Variants in SOS2 observed in about 807,000 individuals in gnomAD.
SOS2 encodes the protein SOS Ras/Rho guanine nucleotide exchange factor 2.
A neutral mutation model predicts 148.2 loss-of-function variants in SOS2; 65 were observed. That is an observed-to-expected ratio of 0.44 (90% CI 0.36 to 0.54). SOS2 has a LOEUF of 0.54. SOS2 is among the 20% of genes least tolerant of loss of function. SOS2 has a pLI of 0.00. For missense variants in SOS2, 1,341 were observed against 1,590.2 expected (o/e 0.84, Z 2.67); for synonymous variants, 539 against 537.1 (o/e 1.00, Z -0.05).
At chr14:50,214,899 G>C (rs113887761) in intron 1 of SOS2, among the ~76,000 whole-genome samples, 245 of 149,900 alleles carry the variant, frequency 1.6e-3, no homozygotes, top group Non-Finnish European at 1.9e-3. Flanking sequence ...GCAGTGGCGC[G>C]ATCTCAGCTC....
At chr14:50,140,733 T>C (rs548219083) in intron 16 of SOS2, among the ~76,000 whole-genome samples, 13 of 151,844 alleles carry the variant, frequency 8.6e-5, no homozygotes, top group Admixed American at 1.3e-4. Context: ...GAGCTAGAGA[T>C]TGGAAAGAAA....
chr14:50,160,778 T>C (rs541564715), intron 9 of SOS2, among the ~76,000 whole-genome samples: 1 of 152,184 alleles, frequency 6.6e-6, no homozygotes, highest in Admixed American at 6.5e-5. Context: ...AGCAGGCAGA[T>C]CACCTGAGCC....
intron 18 of SOS2, among the ~76,000 whole-genome samples, chr14:50,136,409 T>C (rs1037302842): frequency 1.3e-5 from 2 of 152,112 alleles, no homozygotes; most frequent in African/African-American, 2.4e-5. Context: ...GGTTCTGAGA[T>C]ATAAATACTA....
chr14:50,195,946 G>C (rs1269533920), intron 4 of SOS2, among the ~76,000 whole-genome samples: 1 of 152,146 alleles, frequency 6.6e-6, no homozygotes, highest in Non-Finnish European at 1.5e-5. Flanking sequence ...AGAATTGCTT[G>C]AACCTGGGAG....
At chr14:50,142,362 A>G (rs1186614411) in intron 16 of SOS2, among the ~76,000 whole-genome samples, 1 of 152,168 alleles carries the variant, frequency 6.6e-6, no homozygotes, top group Non-Finnish European at 1.5e-5. Context: ...AGTTCATACA[A>G]ATCAATAAAA....
intron 4 of SOS2, among the ~76,000 whole-genome samples, chr14:50,190,295 A>T (rs1025115220): frequency 2.6e-5 from 4 of 152,226 alleles, no homozygotes; most frequent in African/African-American, 9.6e-5. Context: ...ACAAAAAGTA[A>T]AAACTTCAAA....
intron 14 of SOS2, 86 bp downstream of exon 14, chr14:50,149,922 T>G (rs1340183980): frequency 1.0e-6 from 1 of 962,506 alleles, no homozygotes; most frequent in African/African-American, 1.6e-5. Context: ...TTTTAAGCAC[T>G]CATGAATAAT....
chr14:50,128,508 T>G (rs1883757243), intron 21 of SOS2, among the ~76,000 whole-genome samples: 1 of 152,142 alleles, frequency 6.6e-6, no homozygotes, highest in Non-Finnish European at 1.5e-5. Flanking sequence ...AAAGGAAGCA[T>G]AGCAGTGAAT....
intron 14 of SOS2, among the ~76,000 whole-genome samples, chr14:50,149,551 G>A (rs978701519): frequency 1.3e-5 from 2 of 152,122 alleles, no homozygotes; most frequent in Admixed American, 6.6e-5. Flanking sequence ...AGTTTTTGAT[G>A]GAATGATAAT....
chr14:50,184,864 CAAAAAAAAAA>C (rs34039045), intron 5 of SOS2, among the ~76,000 whole-genome samples: 2 of 57,126 alleles, frequency 3.5e-5, no homozygotes, highest in Non-Finnish European at 6.6e-5. Context: ...ACCCTGTCTC[CAAAAAAAAAA>C]AAAAAAAAAA....
chr14:50,182,305 T>C (rs867816951), intron 6 of SOS2, 158 bp downstream of exon 6: 3 of 612,098 alleles, frequency 4.9e-6, no homozygotes, highest in Middle Eastern at 4.4e-4. Context: ...CTCAGCCTCC[T>C]GAGTCACTGG....
chr14:50,164,829 T>A (rs1268594668), intron 8 of SOS2, among the ~76,000 whole-genome samples: 1 of 152,176 alleles, frequency 6.6e-6, no homozygotes, highest in African/African-American at 2.4e-5. Context: ...TTTTCCCTCT[T>A]AAATTTTTTC....
rs979918396 is a variant in SOS2, at chr14:50,138,654, A to G, written c.2916T>C (p.Tyr972=). 17 of 1,583,270 alleles carry G rather than the reference A, an allele frequency of 1.1e-5. No individual in the cohort carries two copies. The highest frequency in any genetic ancestry group is 1.5e-5 in the Non-Finnish European group (17 of 1,162,178). The change falls in exon 18 of 23, where the codon TAT becomes TAC. Residue 972 remains tyrosine, a synonymous_variant. Transcript: ENST00000216373. The stretch of plus-strand genomic sequence containing the variant: ...TCCGTAAACAGTAAGGCTGATTCTG[A>G]TACTGCTGAATTTCTCCAGTAATTT... ...VAEITGEIQQ[Y]QNQPYCLRIE...
chr14:50,198,352 TAA>T (rs11296281), intron 4 of SOS2, among the ~76,000 whole-genome samples: 672 of 146,360 alleles, frequency 4.6e-3, no homozygotes, highest in South Asian at 7.6e-3. Context: ...ATTTTCAAAG[TAA>T]AAAAAAAAAA....
rs10150520 is a variant in SOS2 at position 50,224,314 on chromosome 14, T to C, written c.87+6883A>G. On this transcript the variant is annotated intron_variant, in intron 1 of 22. Coordinates refer to ENST00000216373, the MANE Select transcript of SOS2 (RefSeq NM_006939.4). ...TCAGGAAAAAAAAAAAATATATATA[T>C]ACACACACACACACACACACACACA... 8.6e-3 allele frequency among the ~76,000 whole-genome samples: 868 copies of C among 100,938 alleles called. 23 individuals are homozygous for C. Among genetic ancestry groups the C allele is most frequent in the South Asian group, 0.024 (75 of 3,068 alleles). The allele number at this position is 100,938 out of a possible 152,430, so 66.2% of individuals were successfully genotyped here. A position where few individuals can be genotyped will look rare whatever the true frequency, so the allele number is the denominator to read the frequency against.
chr14:50,149,155 C>T lies in SOS2; in HGVS notation c.2384+853G>A, dbSNP rs557087392. Among the ~76,000 whole-genome samples the T allele has an allele frequency of 1.1e-4, 17 of 152,282 alleles. No individual in the cohort carries two copies. The East Asian group carries it at 3.3e-3, about 29-fold the overall frequency. Reference sequence around the variant, plus strand: ...CAAGCGATCTGCCCACCTTGGCCTCCTAAGTGCTGGGATTACAGGCATGAG... The same window carrying T: ...CAAGCGATCTGCCCACCTTGGCCTCTTAAGTGCTGGGATTACAGGCATGAG... On this transcript the variant is annotated intron_variant, in intron 14 of 22. Coordinates refer to ENST00000216373, the MANE Select transcript of SOS2 (RefSeq NM_006939.4).
At chr14:50,196,832 C>G (rs1199947834) in intron 4 of SOS2, among the ~76,000 whole-genome samples, 1 of 151,666 alleles carries the variant, frequency 6.6e-6, no homozygotes, top group East Asian at 1.9e-4. Flanking sequence ...ACAGAAAAAC[C>G]AAGCTAGGGC....
At chr14:50,201,157 A>C in intron 2 of SOS2, 73 bp from the exon 3 acceptor site, 1 of 1,347,840 alleles carries the variant, frequency 7.4e-7, no homozygotes, top group Non-Finnish European at 1.0e-6. Context: ...ACAAAATTCA[A>C]CTTGATCTCT....
At chr14:50,176,003 C>T (rs557609848) in intron 7 of SOS2, among the ~76,000 whole-genome samples, 62 of 152,294 alleles carry the variant, frequency 4.1e-4, no homozygotes, top group African/African-American at 1.4e-3. Flanking sequence ...TTTGTGTTCC[C>T]TCAAAAGTCA....
Sources: allele counts gnomAD v4.1 joint callset (sites outside exome capture counted in the v4.1 genomes callset), GRCh38; gene constraint gnomAD v4.1.1; transcripts MANE v1.5; gene names NCBI Gene and HGNC (gene_info 2026-07-23, HGNC 2026-07-21).